The following CNTNAP3 variants were observed in gnomAD, a reference collection of about 807,000 sequenced individuals.
CNTNAP3 encodes contactin associated protein family member 3, also known as contactin-associated protein-like 3.
CNTNAP3 carries 36 observed loss-of-function variants against 92.1 expected under a neutral mutation model. The ratio of observed to expected loss-of-function variants is 0.39; its 90% CI spans 0.30 to 0.52. CNTNAP3 has a LOEUF of 0.52. Ranked by LOEUF, CNTNAP3 falls within the 20% of genes least tolerant of loss-of-function variation. The pLI, the probability that CNTNAP3 is intolerant of heterozygous loss-of-function variation, is 0.76. For missense variants in CNTNAP3, 534 were observed against 1,069.6 expected, an observed-to-expected ratio of 0.50 and a Z score of 6.98; for synonymous variants, 232 against 422.3, an observed-to-expected ratio of 0.55 and a Z score of 5.53.
chr9:39,276,724 G>A lies in CNTNAP3; in HGVS notation c.86-9718C>T, dbSNP rs1436722849. Reference sequence around the variant, plus strand: ...AATAAAGATGTTCTTTGAAACCAACGAGAACAAACACACAACATACCAGAA... The same window carrying A: ...AATAAAGATGTTCTTTGAAACCAACAAGAACAAACACACAACATACCAGAA... On this transcript the variant is annotated intron_variant, in intron 1 of 23. Coordinates refer to ENST00000297668, the MANE Select transcript of CNTNAP3 (RefSeq NM_033655.5). Among the ~76,000 whole-genome samples, 6 of 25,342 alleles carry A rather than the reference G, an allele frequency of 2.4e-4. 3 individuals carry two copies. The highest frequency in any genetic ancestry group is 6.8e-4 in the Non-Finnish European group (6 of 8,824). 16.6% of individuals were successfully genotyped at this position (25,342 alleles called of 152,430 possible).
In CNTNAP3 at chr9:39,103,736, G is replaced by C. The variant is rs376067645; in HGVS notation, c.2536+8C>G. 1,127 of 1,604,526 alleles carry C rather than the reference G, an allele frequency of 7.0e-4. 14 individuals carry two copies. The highest frequency in any genetic ancestry group is 3.0e-3 in the South Asian group (260 of 86,890). ...TACCCTGTGACTTGTCCAGAGTGGCGAGCTTACCACGCAGCTCAATCCTGA... is the reference window on the plus strand; with the variant it reads ...TACCCTGTGACTTGTCCAGAGTGGCCAGCTTACCACGCAGCTCAATCCTGA... On this transcript the variant is annotated splice_region_variant and intron_variant, in intron 16 of 23. Coordinates refer to ENST00000297668, the MANE Select transcript of CNTNAP3 (RefSeq NM_033655.5).
At chr9:39,112,483 A>G (rs1249448252) in intron 14 of CNTNAP3, among the ~76,000 whole-genome samples, 2 of 152,062 alleles carry the variant, frequency 1.3e-5, no homozygotes, top group Admixed American at 6.6e-5. Context: ...CTCCTGCCTC[A>G]GCCTCCAGAG....
At position 39,180,744 on chromosome 9, in the gene CNTNAP3, C is replaced by T. The variant is rs1692906; in HGVS notation, c.539-2384G>A. On this transcript the variant is annotated intron_variant, in intron 4 of 23. Transcript: ENST00000297668. ...ATTGAGTTCAATAAGTCAACAGTAA[C>T]GAGCCCACCAAGATCAGCACTGGAG... Among the ~76,000 whole-genome samples, 9 of 149,676 alleles carry T rather than the reference C, an allele frequency of 6.0e-5. 1 individual carries two copies. Among genetic ancestry groups the T allele is most frequent in the East Asian group, 3.9e-4 (2 of 5,090 alleles).
Position 39,069,230 on chromosome 9 carries a change from A to C in CNTNAP3, c.*4660T>G, listed in dbSNP as rs1186093974. 6.6e-6 allele frequency among the ~76,000 whole-genome samples: 1 copy of C among 152,234 alleles called. No individual in the cohort carries two copies. Among genetic ancestry groups the C allele is most frequent in the Admixed American group, 6.5e-5 (1 of 15,282 alleles). On this transcript the variant is annotated 3_prime_UTR_variant, in exon 24 of 24. Transcript: ENST00000297668. ...TTCTAACCCATTTTTGTCAGTAATT[A>C]TCTGTGTAATGTTTTCTCAAAGCAG... is the stretch of plus-strand genomic sequence containing the variant.
At chr9:39,114,771 ACT>A (rs1587714933) in intron 14 of CNTNAP3, among the ~76,000 whole-genome samples, 1 of 151,966 alleles carries the variant, frequency 6.6e-6, no homozygotes, top group Non-Finnish European at 1.5e-5. Context: ...ACTTTTAAAG[ACT>A]CTAAGATAAT....
At chr9:39,120,425 A>T (rs1013510991) in intron 13 of CNTNAP3, among the ~76,000 whole-genome samples, 1 of 152,224 alleles carries the variant, frequency 6.6e-6, no homozygotes, top group African/African-American at 2.4e-5. Context: ...CTGTAATCCC[A>T]GCACTTTCGG....
chr9:39,112,967 T>G (rs1758550), intron 14 of CNTNAP3, among the ~76,000 whole-genome samples: 46,864 of 151,898 alleles, frequency 0.31, 10,226 homozygotes, highest in African/African-American at 0.62. Context: ...GGCATTTTTT[T>G]GAATTTTGTT....
At chr9:39,135,236 G>A (rs1377018666) in intron 12 of CNTNAP3, among the ~76,000 whole-genome samples, 1 of 152,030 alleles carries the variant, frequency 6.6e-6, no homozygotes, top group Non-Finnish European at 1.5e-5. Context: ...GAACTGGAAA[G>A]GATCTTAAAG....
chr9:39,122,685 G>A (rs1334158013), intron 13 of CNTNAP3, among the ~76,000 whole-genome samples: 1 of 152,136 alleles, frequency 6.6e-6, no homozygotes, highest in Non-Finnish European at 1.5e-5. Context: ...AATACAACAT[G>A]TCTGGCTTTC....
chr9:39,077,324 C>G (rs1396091435), intron 23 of CNTNAP3, among the ~76,000 whole-genome samples: 1 of 151,616 alleles, frequency 6.6e-6, no homozygotes, highest in African/African-American at 2.4e-5. Context: ...TTTGGGAGGC[C>G]GAGGCGGGTG....
intron 18 of CNTNAP3, among the ~76,000 whole-genome samples, chr9:39,091,052 C>T (rs1274495344): frequency 6.6e-6 from 1 of 151,918 alleles, no homozygotes; most frequent in Non-Finnish European, 1.5e-5. Flanking sequence ...TTTTGCTGAA[C>T]TTGGTTTTAG....
Position 39,070,997 on chromosome 9 carries a change from G to C in CNTNAP3, c.*2893C>G, listed in dbSNP as rs1825625288. ...CTCTATGGATTGAAGTTAAGAGAGA[G>C]AAGTGCCAGGAGTTCAGTCCACGCA... On this transcript the variant is annotated 3_prime_UTR_variant, in exon 24 of 24. Transcript: ENST00000297668. Among the ~76,000 whole-genome samples the C allele has an allele frequency of 6.6e-6, 1 of 152,240 alleles. No individual in the cohort carries two copies. Among genetic ancestry groups the C allele is most frequent in the Admixed American group, 6.5e-5 (1 of 15,286 alleles).
In CNTNAP3 at chr9:39,065,539, CAATGTT is replaced by C. The variant is rs1230675657; in HGVS notation, c.*8345_*8350del. Among the ~76,000 whole-genome samples, 76 of 151,578 alleles carry C rather than the reference CAATGTT, an allele frequency of 5.0e-4. No individual in the cohort carries two copies. The highest frequency in any genetic ancestry group is 9.6e-4 in the Non-Finnish European group (65 of 67,910). On this transcript the variant is annotated 3_prime_UTR_variant, in exon 24 of 24. Coordinates refer to ENST00000297668, the MANE Select transcript of CNTNAP3 (RefSeq NM_033655.5). ...TTCATGTATGCTTAATTATATAAAA[CAATGTT>C]AAACAATTTTTCCTAAGTGGTTGTA...
chr9:39,087,519 C>T (rs1435452403), intron 19 of CNTNAP3, among the ~76,000 whole-genome samples: 12 of 151,794 alleles, frequency 7.9e-5, no homozygotes, highest in Non-Finnish European at 1.5e-4. Context: ...TGGAGTCTCG[C>T]TCTGTCACCC....
chr9:39,109,042 C>T lies in CNTNAP3; in HGVS notation c.2365+118G>A, dbSNP rs531986759. 9,083 of 1,435,144 alleles carry T rather than the reference C, an allele frequency of 6.3e-3. 36 individuals carry two copies. Among genetic ancestry groups the T allele is most frequent in the Admixed American group, 8.1e-3 (288 of 35,630 alleles). The allele number at this position is 1,435,144 out of a possible 1,614,324, so 88.9% of individuals were successfully genotyped here. A position where few individuals can be genotyped will look rare whatever the true frequency, so the allele number is the denominator to read the frequency against. On this transcript the variant is annotated intron_variant, in intron 15 of 23. Coordinates refer to ENST00000297668, the MANE Select transcript of CNTNAP3 (RefSeq NM_033655.5). ...ATGGTATGTGTGTTTTCCTGATATTCGCCCCAGTCCTAGTACTGCCACTAT... is the reference window on the plus strand; with the variant it reads ...ATGGTATGTGTGTTTTCCTGATATTTGCCCCAGTCCTAGTACTGCCACTAT...
intron 13 of CNTNAP3, among the ~76,000 whole-genome samples, chr9:39,120,607 T>C (rs558301183): frequency 1.9e-3 from 293 of 152,210 alleles, no homozygotes; most frequent in African/African-American, 4.2e-3. Context: ...GAGGCGGAGC[T>C]TGCAGTGAGC....
chr9:39,075,238 T>C (rs1466179361), intron 23 of CNTNAP3, among the ~76,000 whole-genome samples: 2 of 151,318 alleles, frequency 1.3e-5, no homozygotes, highest in Admixed American at 6.6e-5. Context: ...TCCATGATTC[T>C]CGACTCTAGC....
rs1825539878 is a variant in CNTNAP3 at position 39,067,689 on chromosome 9, C to T, written c.*6201G>A. On this transcript the variant is annotated 3_prime_UTR_variant, in exon 24 of 24. Transcript: ENST00000297668. ...GGGATTACAGGCATGAGCCACTGTG[C>T]CCGGCCTGGTGTTGGATAGTTTTAT... 6.6e-6 allele frequency among the ~76,000 whole-genome samples: 1 copy of T among 152,414 alleles called. No homozygotes were observed. Among genetic ancestry groups the T allele is most frequent in the Admixed American group, 6.5e-5 (1 of 15,314 alleles).
chr9:39,123,256 G>A lies in CNTNAP3; in HGVS notation c.2081-4997C>T, dbSNP rs28435261. ...ACTACAGGCGCCCGCCACCACGCCC[G>A]GCTAATTTTTTGTATTTTTAGTAGA... On this transcript the variant is annotated intron_variant, in intron 13 of 23. Coordinates refer to ENST00000297668, the MANE Select transcript of CNTNAP3 (RefSeq NM_033655.5). 1.5e-4 allele frequency among the ~76,000 whole-genome samples: 23 copies of A among 151,824 alleles called. No individual in the cohort carries two copies. The South Asian group carries it at 2.5e-3, about 17-fold the overall frequency.
Sources: gnomAD v4.1 joint callset for allele counts (sites outside exome capture counted in the v4.1 genomes callset) on GRCh38, gnomAD v4.1.1 for gene constraint, MANE v1.5 for transcripts, NCBI Gene and HGNC (gene_info 2026-07-23, HGNC 2026-07-21) for gene names.